Variants in BORA observed in about 807,000 individuals in gnomAD.
The protein encoded by BORA is BORA aurora kinase A activator, also known as protein aurora borealis.
BORA carries 26 observed loss-of-function variants against 55.8 expected under a neutral mutation model. That is an observed-to-expected ratio of 0.47 (90% CI 0.34 to 0.65). The LOEUF is 0.65. BORA is among the 30% of genes least tolerant of loss of function. The pLI, the probability that BORA is intolerant of heterozygous loss-of-function variation, is 0.01. For missense variants in BORA, 568 were observed against 671.5 expected (o/e 0.85, Z 1.70); for synonymous variants, 201 against 216.9 (o/e 0.93, Z 0.64).
intron 4 of BORA, among the ~76,000 whole-genome samples, chr13:72,737,674 C>G (rs1001461023): frequency 2.0e-5 from 3 of 151,234 alleles, no homozygotes; most frequent in Non-Finnish European, 4.4e-5. Context: ...TTTTTGTAAC[C>G]CCATCAAAAA....
At chr13:72,738,289 T>C (rs1269721820) in intron 5 of BORA, among the ~76,000 whole-genome samples, 1 of 152,154 alleles carries the variant, frequency 6.6e-6, no homozygotes, top group Admixed American at 6.5e-5. Flanking sequence ...GTTATAATGA[T>C]GGTTATAGAG....
rs1008093119 is a variant in BORA at position 72,727,928 on chromosome 13, G to A, written c.-95G>A. The A allele has an allele frequency of 1.9e-6, 3 of 1,550,666 alleles. No individual in the cohort carries two copies. The highest frequency in any genetic ancestry group is 2.7e-5 in the African/African-American group (2 of 73,196). On this transcript the variant is annotated 5_prime_UTR_variant, in exon 1 of 12. Coordinates refer to ENST00000390667, the MANE Select transcript of BORA (RefSeq NM_024808.5). The stretch of plus-strand genomic sequence containing the variant: ...CAGCGCGGAAGCGGGGAGTTAAAGA[G>A]TCTATGCCTGTCGTGGAAGCTGGCC...
At chr13:72,731,137 A>G in intron 2 of BORA, 144 bp from the exon 3 acceptor site, 1 of 601,590 alleles carries the variant, frequency 1.7e-6, no homozygotes. Context: ...TTGCCATTTA[A>G]TTTCATGGTA....
At chr13:72,747,357 A>G (rs2033172433) in intron 10 of BORA, among the ~76,000 whole-genome samples, 2 of 152,204 alleles carry the variant, frequency 1.3e-5, no homozygotes, top group African/African-American at 4.8e-5. Context: ...AAGAGCAGAA[A>G]AGAAATTAGC....
intron 1 of BORA, 81 bp downstream of exon 1, chr13:72,728,088 C>G: frequency 6.5e-7 from 1 of 1,527,554 alleles, no homozygotes. Flanking sequence ...GACTTGCCTG[C>G]CCGCTCGCCC....
intron 10 of BORA, chr13:72,752,844 C>T (rs1407957341): frequency 6.6e-6 from 1 of 152,144 alleles, no homozygotes; most frequent in Non-Finnish European, 1.5e-5. Context: ...CAGCTTTTTC[C>T]TTCCCTCTGA....
intron 4 of BORA, among the ~76,000 whole-genome samples, chr13:72,736,364 C>T (rs2032927562): frequency 1.3e-5 from 2 of 152,196 alleles, no homozygotes; most frequent in African/African-American, 4.8e-5. Context: ...CATCCCACTT[C>T]ATGAAGGTAA....
chr13:72,739,500 A>C (rs2032995156), intron 5 of BORA, among the ~76,000 whole-genome samples: 1 of 152,174 alleles, frequency 6.6e-6, no homozygotes. Context: ...GTTCCAAACT[A>C]TCTTTTCTAG....
At chr13:72,753,627 C>A in intron 10 of BORA, 63 bp from the exon 11 acceptor site, 2 of 1,504,976 alleles carry the variant, frequency 1.3e-6, no homozygotes, top group Non-Finnish European at 1.8e-6. Context: ...TAGTGGTTTA[C>A]TTATTTAAAT....
intron 4 of BORA, 24 bp from the exon 5 acceptor site, chr13:72,737,938 A>G: frequency 6.6e-7 from 1 of 1,504,722 alleles, no homozygotes; most frequent in Non-Finnish European, 9.1e-7. Context: ...TTTATGCCTA[A>G]TTGTATGACT....
chr13:72,753,822 G>C lies in BORA; in HGVS notation c.1614+1G>C, dbSNP rs745444058. 34 of 1,610,478 alleles carry C rather than the reference G, an allele frequency of 2.1e-5. No homozygotes were observed. The highest frequency in any genetic ancestry group is 2.5e-5 in the Non-Finnish European group (30 of 1,177,756). On this transcript the variant is annotated splice_donor_variant, in intron 11 of 11. Coordinates refer to ENST00000390667, the MANE Select transcript of BORA (RefSeq NM_024808.5). LOFTEE classifies it high-confidence loss of function. ...TAAATCTCAAGCATTTAATATGAAGGTACGGAGAAAATATAGTGAAAGCTT... is the reference window on the plus strand; with the variant it reads ...TAAATCTCAAGCATTTAATATGAAGCTACGGAGAAAATATAGTGAAAGCTT...
intron 3 of BORA, among the ~76,000 whole-genome samples, chr13:72,732,785 G>A (rs983433255): frequency 9.9e-5 from 15 of 152,064 alleles, no homozygotes; most frequent in African/African-American, 3.6e-4. Flanking sequence ...TGTTTCACAC[G>A]AACTTAATTA....
intron 6 of BORA, among the ~76,000 whole-genome samples, chr13:72,744,283 T>TA (rs1288080859): frequency 6.6e-6 from 1 of 152,224 alleles, no homozygotes; most frequent in Non-Finnish European, 1.5e-5. Flanking sequence ...AGCCAGGAGT[T>TA]AACTTTTACT....
rs144679201 is a variant in BORA at position 72,753,868 on chromosome 13, TATAAA to T, written c.1614+52_1614+56del. On this transcript the variant is annotated intron_variant, in intron 11 of 11. Coordinates refer to ENST00000390667, the MANE Select transcript of BORA (RefSeq NM_024808.5). ...AGCTTAATATTGTTTAGATTAGAAATATAAAATAATTTTGATTATTAGACAATAGT... is the reference window on the plus strand; with the variant it reads ...AGCTTAATATTGTTTAGATTAGAAATATAATTTTGATTATTAGACAATAGT... The T allele has an allele frequency of 1.6e-3, 2,448 of 1,516,416 alleles. 37 individuals are homozygous for T. In the African/African-American group the frequency reaches 0.028, roughly 17 times the overall value. The allele number at this position is 1,516,416 out of a possible 1,614,324, so 93.9% of individuals were successfully genotyped here.
intron 4 of BORA, among the ~76,000 whole-genome samples, chr13:72,735,538 A>G (rs1480001260): frequency 6.6e-6 from 1 of 152,174 alleles, no homozygotes; most frequent in Non-Finnish European, 1.5e-5. Context: ...AAAAATAAAA[A>G]TAATTAAGTT....
intron 11 of BORA, chr13:72,754,780 A>G (rs2033400436): frequency 6.0e-6 from 1 of 166,930 alleles, no homozygotes; most frequent in South Asian, 1.8e-4. Flanking sequence ...TAGTGGCACG[A>G]CCACAGCTCA....
chr13:72,755,051 TA>T, intron 11 of BORA, 99 bp from the exon 12 acceptor site: 1 of 922,494 alleles, frequency 1.1e-6, no homozygotes, highest in Non-Finnish European at 1.7e-6. Context: ...AGAGTTCAGC[TA>T]AAGAAACGTG....
At chr13:72,735,659 G>T (rs912406371) in intron 4 of BORA, among the ~76,000 whole-genome samples, 1 of 151,970 alleles carries the variant, frequency 6.6e-6, no homozygotes, top group Non-Finnish European at 1.5e-5. Context: ...GCCCAGGCTG[G>T]AGTGCAATGG....
At chr13:72,745,629 G>A (rs1273904474) in intron 8 of BORA, among the ~76,000 whole-genome samples, 2 of 152,186 alleles carry the variant, frequency 1.3e-5, no homozygotes. Flanking sequence ...TTACTAAAGT[G>A]TGTGAGATTT....
Sources: gnomAD v4.1 joint callset for allele counts (sites outside exome capture counted in the v4.1 genomes callset) on GRCh38, gnomAD v4.1.1 for gene constraint, MANE v1.5 for transcripts, NCBI Gene and HGNC (gene_info 2026-07-23, HGNC 2026-07-21) for gene names.